TMCO5A: variants seen among roughly 807,000 people sequenced by gnomAD.
The protein encoded by TMCO5A is transmembrane and coiled-coil domains 5A.
Under a neutral mutation model 42.3 loss-of-function variants are expected in TMCO5A, and 34 were observed. The observed-to-expected ratio is 0.80, with a 90% CI of 0.61 to 1.07. The LOEUF is 1.07. Among genes scored for constraint, TMCO5A ranks in the 50% least tolerant of loss-of-function variants. The probability of loss-of-function intolerance (pLI) is 0.00; values close to 1 mark genes in which losing one functional copy is unlikely to be tolerated. For missense variants in TMCO5A, 357 were observed against 327.9 expected (o/e 1.09, Z -0.69); for synonymous variants, 131 against 115.6 (o/e 1.13, Z -0.86).
At chr15:37,973,566 C>A in the TMCO5A span, among the ~76,000 whole-genome samples, 1 of 152,030 alleles carries the variant, frequency 6.6e-6, no homozygotes, top group Non-Finnish European at 1.5e-5. Context: ...CCTGATTTGG[C>A]TCTCGGCTTG....
chr15:38,022,829 C>A, the TMCO5A span, among the ~76,000 whole-genome samples: 2 of 152,016 alleles, frequency 1.3e-5, no homozygotes, highest in East Asian at 3.9e-4. Flanking sequence ...CTTTTAAAAT[C>A]TTTAATAAAA....
the TMCO5A span, among the ~76,000 whole-genome samples, chr15:38,039,143 T>C: frequency 1.3e-5 from 2 of 152,326 alleles, no homozygotes; most frequent in Non-Finnish European, 2.9e-5. Flanking sequence ...TTTAATTTAA[T>C]AGATTTAAAT....
chr15:38,009,022 T>C, the TMCO5A span, among the ~76,000 whole-genome samples: 79 of 152,318 alleles, frequency 5.2e-4, no homozygotes, highest in African/African-American at 1.9e-3. Context: ...TAAGCCTAAA[T>C]CCTAAATCTA....
the TMCO5A span, among the ~76,000 whole-genome samples, chr15:37,978,474 G>C: frequency 6.6e-6 from 1 of 152,218 alleles, no homozygotes; most frequent in Non-Finnish European, 1.5e-5. Flanking sequence ...AGACTAGGGG[G>C]TGGGGGCTCA....
chr15:37,967,648 C>T (rs554064093), exon 12 of TMCO5A: 1 of 152,262 alleles, frequency 6.6e-6, no homozygotes, highest in African/African-American at 2.4e-5. Flanking sequence ...TTGTCACATA[C>T]AGGCACTATT....
chr15:37,968,934 A>G (rs1234001740), downstream of TMCO5A, among the ~76,000 whole-genome samples: 2 of 152,196 alleles, frequency 1.3e-5, no homozygotes, highest in Non-Finnish European at 2.9e-5. Flanking sequence ...CATATTGCTC[A>G]TGATTTGAGG....
At chr15:37,969,045 G>A (rs1890623436), downstream of TMCO5A, among the ~76,000 whole-genome samples, 1 of 152,184 alleles carries the variant, frequency 6.6e-6, no homozygotes, top group Non-Finnish European at 1.5e-5. Context: ...GTTTTGAGAA[G>A]GTGGGAAGGA....
intron 11 of TMCO5A, among the ~76,000 whole-genome samples, chr15:37,961,065 T>A (rs1890413084): frequency 6.6e-6 from 1 of 152,164 alleles, no homozygotes; most frequent in Non-Finnish European, 1.5e-5. Flanking sequence ...ACTATTTATC[T>A]TTGTTTTTAT....
At chr15:37,959,602 T>C (rs767376802) in intron 11 of TMCO5A, among the ~76,000 whole-genome samples, 1 of 152,094 alleles carries the variant, frequency 6.6e-6, no homozygotes, top group Non-Finnish European at 1.5e-5. Context: ...TTCATTTCAA[T>C]TGATGCTGAA....
At chr15:37,936,580 T>A in intron 3 of TMCO5A, 117 bp downstream of exon 3, 1 of 1,307,244 alleles carries the variant, frequency 7.6e-7, no homozygotes, top group Non-Finnish European at 1.0e-6. Flanking sequence ...GGCAAAAAGT[T>A]AATTTTTCAT....
chr15:38,025,855 TAGTG>T, the TMCO5A span, among the ~76,000 whole-genome samples: 2 of 152,190 alleles, frequency 1.3e-5, no homozygotes, highest in African/African-American at 4.8e-5. Flanking sequence ...GTTCTCAGGG[TAGTG>T]AGTAAGTCTC....
chr15:37,953,933 G>C (rs1400236616), downstream of TMCO5A, among the ~76,000 whole-genome samples: 4 of 151,868 alleles, frequency 2.6e-5, no homozygotes, highest in East Asian at 7.8e-4. Context: ...GAATACACCA[G>C]AGTCTTTTAA....
chr15:37,962,419 A>G (rs141348308), intron 11 of TMCO5A, among the ~76,000 whole-genome samples: 2,141 of 152,154 alleles, frequency 0.014, 59 homozygotes, highest in African/African-American at 0.049. Context: ...TCTTTTTGAT[A>G]TGTTGTTGGA....
rs942787059 is a variant in TMCO5A at position 37,951,100 on chromosome 15, C to T, written c.733C>T (p.His245Tyr). The change falls in exon 12 of 12, where the codon CAT becomes TAT. Residue 245 changes from histidine to tyrosine, a missense_variant. Coordinates refer to ENST00000319669, the MANE Select transcript of TMCO5A (RefSeq NM_152453.4). The stretch of plus-strand genomic sequence containing the variant: ...CAGACTGCTGAGCTACATGTTTTTT[C>T]ATGTAAGATTCATAAATCCAGATCT... ...FIRLLSYMFF[H>Y]VRFINPDLLV... 10 of 1,613,382 alleles carry T rather than the reference C, an allele frequency of 6.2e-6. No homozygotes were observed. The East Asian group carries it at 6.7e-5, about 11-fold the overall frequency.
At chr15:38,022,972 A>G in the TMCO5A span, among the ~76,000 whole-genome samples, 3 of 152,228 alleles carry the variant, frequency 2.0e-5, no homozygotes, top group Admixed American at 6.5e-5. Flanking sequence ...ACTCAATTGT[A>G]TAAAATAACC....
At chr15:37,969,004 G>A (rs1890622214), downstream of TMCO5A, among the ~76,000 whole-genome samples, 1 of 152,218 alleles carries the variant, frequency 6.6e-6, no homozygotes, top group Non-Finnish European at 1.5e-5. Flanking sequence ...GTAGTGTTGG[G>A]AATACATGGA....
chr15:37,984,255 G>GT, the TMCO5A span, among the ~76,000 whole-genome samples: 1 of 152,112 alleles, frequency 6.6e-6, no homozygotes, highest in East Asian at 1.9e-4. Flanking sequence ...GGAGGAGGTG[G>GT]TAAGTGCTAG....
the TMCO5A span, among the ~76,000 whole-genome samples, chr15:37,979,349 G>A: frequency 6.6e-6 from 1 of 151,832 alleles, no homozygotes; most frequent in African/African-American, 2.4e-5. Context: ...ACTATTGCTG[G>A]GAGTTCTGTC....
At chr15:38,006,195 G>A in the TMCO5A span, among the ~76,000 whole-genome samples, 3 of 152,222 alleles carry the variant, frequency 2.0e-5, no homozygotes, top group African/African-American at 7.2e-5. Flanking sequence ...AAGCAGGAAG[G>A]AGCATGGCCT....
Sources: gnomAD v4.1 joint callset for allele counts (sites outside exome capture counted in the v4.1 genomes callset) on GRCh38, gnomAD v4.1.1 for gene constraint, MANE v1.5 for transcripts, NCBI Gene and HGNC (gene_info 2026-07-23, HGNC 2026-07-21) for gene names.